Variants in C16orf46 observed in about 807,000 individuals in gnomAD.
The protein encoded by C16orf46 is uncharacterized protein C16orf46.
In C16orf46, 7 loss-of-function variants were observed where a neutral mutation model predicts 5.5. The observed-to-expected ratio is 1.28, with a 90% CI of 0.73 to 2.40. The LOEUF (loss-of-function observed/expected upper bound fraction) is 2.40. C16orf46 is among the 30% of genes most tolerant of loss of function. The pLI is 0.00. For missense variants in C16orf46, 614 were observed against 476.0 expected (o/e 1.29, Z -2.70); for synonymous variants, 200 against 184.1 (o/e 1.09, Z -0.70).
At chr16:81,068,142 A>AAGAC (rs1388749305) in intron 1 of C16orf46, among the ~76,000 whole-genome samples, 1 of 152,246 alleles carries the variant, frequency 6.6e-6, no homozygotes, top group Admixed American at 6.5e-5. Context: ...TGAGAAGTAC[A>AAGAC]AGACTATCAA....
intron 1 of C16orf46, among the ~76,000 whole-genome samples, chr16:81,071,630 G>A (rs1374484862): frequency 2.0e-5 from 3 of 152,104 alleles, no homozygotes; most frequent in Admixed American, 2.0e-4. Context: ...CCTGTGGTCA[G>A]AGCTACTAGG....
In C16orf46 at chr16:81,061,696, A is replaced by C; in HGVS notation, c.653T>G (p.Leu218Arg). Residue 218 changes from leucine to arginine, a missense_variant, in exon 4 of 4, where the codon CTT (leucine) becomes CGT (arginine). By Grantham distance (102) the Leu-to-Arg change is moderately radical. Coordinates refer to ENST00000299578, the MANE Select transcript of C16orf46 (RefSeq NM_152337.3). ...LLVLPPLKAS[L>R]SNALDVLGKK... ...ACCCAGAACATCCAAAGCATTTGAAAGTGAAGCCTTCAGGGGAGGCAGAAC... is the reference window on the plus strand; with the variant it reads ...ACCCAGAACATCCAAAGCATTTGAACGTGAAGCCTTCAGGGGAGGCAGAAC... 6.2e-7 allele frequency: 1 copy of C among 1,614,168 alleles called. No individual in the cohort carries two copies. The highest frequency in any genetic ancestry group is 1.1e-5 in the South Asian group (1 of 91,084).
chr16:81,064,154 C>G (rs896599177), intron 2 of C16orf46, among the ~76,000 whole-genome samples, 161 bp from the exon 3 acceptor site: 2 of 152,068 alleles, frequency 1.3e-5, no homozygotes, highest in African/African-American at 4.8e-5. Context: ...GAGGCCAAGT[C>G]AGGCGGATCA....
At chr16:81,067,972 T>G (rs2151754396) in intron 1 of C16orf46, among the ~76,000 whole-genome samples, 1 of 152,338 alleles carries the variant, frequency 6.6e-6, no homozygotes, top group East Asian at 1.9e-4. Context: ...TTAGAGGAAC[T>G]CCAGAAATAT....
chr16:81,062,028 G>C lies in C16orf46; in HGVS notation c.321C>G (p.Asn107Lys). 1 of 1,613,812 alleles carries C rather than the reference G, an allele frequency of 6.2e-7. No homozygotes were observed. The highest frequency in any genetic ancestry group is 8.5e-7 in the Non-Finnish European group (1 of 1,180,014). ...TGGTCTGGAGGCTCCAGTGGGAGAG[G>C]TTAACACACACCAAGCAGTCGCTGC... is the stretch of plus-strand genomic sequence containing the variant. The part of the protein sequence containing the change: ...GACSDCLVCV[N>K]LSHWSLQTKP... Residue 107 changes from asparagine to lysine, a missense_variant, in exon 4 of 4, where the codon AAC (asparagine) becomes AAG (lysine). Coordinates refer to ENST00000299578, the MANE Select transcript of C16orf46 (RefSeq NM_152337.3).
rs534593705 is a variant in C16orf46 at position 81,064,951 on chromosome 16, T to C, written c.-38-958A>G. On this transcript the variant is annotated intron_variant, in intron 2 of 3. Transcript: ENST00000299578. ...TTAAGCCACTCAGTCTGTCGTACAT[T>C]GTCATGACGCCCCTAGCAAAGTAAA... Among the ~76,000 whole-genome samples, 14 of 152,274 alleles carry C rather than the reference T, an allele frequency of 9.2e-5. No homozygotes were observed. The South Asian group carries it at 2.9e-3, about 32-fold the overall frequency.
At chr16:81,075,029 C>A (rs899986971) in intron 1 of C16orf46, among the ~76,000 whole-genome samples, 1 of 152,140 alleles carries the variant, frequency 6.6e-6, no homozygotes, top group Admixed American at 6.6e-5. Context: ...CGGATAAAGA[C>A]GTTGAGAAGG....
At chr16:81,073,913 C>T (rs71400143) in intron 1 of C16orf46, among the ~76,000 whole-genome samples, 9 of 152,188 alleles carry the variant, frequency 5.9e-5, no homozygotes, top group African/African-American at 2.2e-4. Flanking sequence ...AGAGTCTAGA[C>T]TGGATGACTT....
intron 1 of C16orf46, among the ~76,000 whole-genome samples, chr16:81,069,124 A>G (rs189917906): frequency 1.5e-3 from 222 of 152,234 alleles, no homozygotes; most frequent in African/African-American, 5.1e-3. Flanking sequence ...TTTTTGGTTT[A>G]TGTCTTTTTT....
intron 1 of C16orf46, chr16:81,071,946 T>A (rs760952249): frequency 6.6e-6 from 1 of 152,224 alleles, no homozygotes; most frequent in Non-Finnish European, 1.5e-5. Context: ...GTGACTAGCC[T>A]GGTCAACAGA....
exon 4 of C16orf46, chr16:81,053,910 G>A: frequency 1.4e-6 from 1 of 695,308 alleles, no homozygotes; most frequent in Non-Finnish European, 2.4e-6. Flanking sequence ...ATAAGACCTT[G>A]CTCCAAACGT....
intron 1 of C16orf46, among the ~76,000 whole-genome samples, chr16:81,071,587 A>T (rs1597151548): frequency 6.6e-6 from 1 of 151,868 alleles, no homozygotes; most frequent in African/African-American, 2.4e-5. Flanking sequence ...TCACTAGAAA[A>T]TTTTTTTTAA....
chr16:81,061,034 G>T lies in C16orf46; in HGVS notation c.*127C>A. 1 of 1,314,478 alleles carries T rather than the reference G, an allele frequency of 7.6e-7. No individual in the cohort carries two copies. Among genetic ancestry groups the T allele is most frequent in the Non-Finnish European group, 1.0e-6 (1 of 991,262 alleles). The allele number at this position is 1,314,478 out of a possible 1,614,324, so 81.4% of individuals were successfully genotyped here. On this transcript the variant is annotated 3_prime_UTR_variant, in exon 4 of 4. Coordinates refer to ENST00000299578, the MANE Select transcript of C16orf46 (RefSeq NM_152337.3). Reference sequence around the variant, plus strand: ...AAAAAAAAAATGGAGGAAAAGAAGAGTAAAGACAGACTGACGGGGAGGAGA... The same window carrying T: ...AAAAAAAAAATGGAGGAAAAGAAGATTAAAGACAGACTGACGGGGAGGAGA...
chr16:81,066,135 A>C (rs1309834470), intron 2 of C16orf46, 58 bp downstream of exon 2: 1 of 151,942 alleles, frequency 6.6e-6, no homozygotes, highest in African/African-American at 2.4e-5. Flanking sequence ...AAAACTAAGA[A>C]TCATCCCTGA....
rs753031804 is a variant in C16orf46, at chr16:81,054,058, A to C, written c.*13T>G. The C allele has an allele frequency of 7.5e-6, 12 of 1,610,408 alleles. No individual in the cohort carries two copies. The South Asian group carries it at 1.3e-4, about 18-fold the overall frequency. The stretch of plus-strand genomic sequence containing the variant: ...GTTGCTGCTTAGGACTGAATGTGAA[A>C]CTGATCCCTCTCCTACTTTATCTTC... On this transcript the variant is annotated 3_prime_UTR_variant, in exon 4 of 4. Transcript: ENST00000378611.
chr16:81,062,133 T>C lies in C16orf46; in HGVS notation c.216A>G (p.Gln72=). The C allele has an allele frequency of 6.4e-7, 1 of 1,567,746 alleles. No individual in the cohort carries two copies. Among genetic ancestry groups the C allele is most frequent in the Non-Finnish European group, 8.6e-7 (1 of 1,161,438 alleles). ...IIGTGWEEAV[Q]GWGRTSPAAC... ...CAGCTGGAGAAGTCCTTCCCCACCC[T>C]TGGACCTGCAAATAAAGCGGCATGT... Residue 72 remains glutamine, a synonymous_variant, in exon 4 of 4, where the codon CAA becomes CAG. Transcript: ENST00000299578.
chr16:81,065,214 T>A (rs1044166740), intron 2 of C16orf46, among the ~76,000 whole-genome samples: 8 of 152,190 alleles, frequency 5.3e-5, no homozygotes, highest in African/African-American at 1.9e-4. Context: ...GGCTCACGCC[T>A]GTAATCCCAG....
At chr16:81,071,179 A>T (rs1005412775) in intron 1 of C16orf46, among the ~76,000 whole-genome samples, 3 of 152,128 alleles carry the variant, frequency 2.0e-5, no homozygotes, top group African/African-American at 7.2e-5. Flanking sequence ...GAACATTCCT[A>T]CCTGGTTCCT....
intron 3 of C16orf46, among the ~76,000 whole-genome samples, chr16:81,054,512 G>A (rs1333660114): frequency 6.8e-6 from 1 of 146,496 alleles, no homozygotes; most frequent in Non-Finnish European, 1.5e-5. Flanking sequence ...CACCTTTTTT[G>A]GTAACGTGAT....
Sources: gnomAD v4.1 joint callset for allele counts (sites outside exome capture counted in the v4.1 genomes callset) on GRCh38, gnomAD v4.1.1 for gene constraint, MANE v1.5 for transcripts, NCBI Gene and HGNC (gene_info 2026-07-23, HGNC 2026-07-21) for gene names.